Variants in STARD9 observed in about 807,000 individuals in gnomAD.
STARD9 encodes stAR-related lipid transfer protein 9.
Under a neutral mutation model 399.8 loss-of-function variants are expected in STARD9, and 346 were observed. The observed-to-expected ratio is 0.87, with a 90% CI of 0.79 to 0.95. The LOEUF (loss-of-function observed/expected upper bound fraction) is 0.95, where lower values mean the gene tolerates loss of function less well. Ranked by LOEUF, STARD9 falls within the 40% of genes least tolerant of loss-of-function variation. STARD9 has a pLI of 0.00. For missense variants in STARD9, 5,832 were observed against 5,667.5 expected (o/e 1.03, Z -0.93); for synonymous variants, 2,203 against 2,143.5 (o/e 1.03, Z -0.77).
chr15:42,657,619 G>C (rs73408619), intron 9 of STARD9, among the ~76,000 whole-genome samples: 10,161 of 152,180 alleles, frequency 0.067, 744 homozygotes, highest in African/African-American at 0.19. Context: ...TAGAAGATTT[G>C]AGCAACATTA....
intron 26 of STARD9, among the ~76,000 whole-genome samples, chr15:42,710,183 C>T (rs1332055535): frequency 6.6e-6 from 1 of 150,380 alleles, no homozygotes; most frequent in East Asian, 1.9e-4. Flanking sequence ...ACCTCAGCCT[C>T]CTGAGTACCT....
In STARD9 at chr15:42,717,770, A is replaced by G; in HGVS notation, c.13534A>G (p.Ser4512Gly). Reference sequence around the variant, plus strand: ...TTCGGATAATTTGCACAACCTCTTCAGCTGCCAGGCAACTGCTGGCTGGAA... The same window carrying G: ...TTCGGATAATTTGCACAACCTCTTCGGCTGCCAGGCAACTGCTGGCTGGAA... ...ACSDNLHNLF[S>G]CQATAGWNYQ... The change falls in exon 29 of 33, where the codon AGC becomes GGC. Residue 4512 changes from serine (S) to glycine (G), a missense_variant. This residue lies in a region of STARD9 where 5,828 missense variants were observed against 5,651.1 expected (regional missense o/e 1.03). Coordinates refer to ENST00000290607, the MANE Select transcript of STARD9 (RefSeq NM_020759.3). 6.5e-7 allele frequency: 1 copy of G among 1,537,236 alleles called. No individual in the cohort carries two copies. Among genetic ancestry groups the G allele is most frequent in the Non-Finnish European group, 8.7e-7 (1 of 1,146,900 alleles).
At chr15:42,695,680 G>A in intron 25 of STARD9, 63 bp from the exon 26 acceptor site, 1 of 1,500,276 alleles carries the variant, frequency 6.7e-7, no homozygotes, top group East Asian at 2.5e-5. Context: ...GGTAGGAAAA[G>A]GCGTGGCCTG....
At position 42,720,442 on chromosome 15, in the gene STARD9, AGAG is replaced by A. The variant is rs2061430684; in HGVS notation, c.*873_*875del. 1.3e-5 allele frequency: 2 copies of A among 152,316 alleles called. No homozygotes were observed. Among genetic ancestry groups the A allele is most frequent in the Non-Finnish European group, 2.9e-5 (2 of 68,114 alleles). The allele number at this position is 152,316 out of a possible 1,614,324, so 9.4% of individuals were successfully genotyped here. On this transcript the variant is annotated 3_prime_UTR_variant, in exon 33 of 33. Transcript: ENST00000290607. ...AGGGAGAGGAGGTGAATGAACTCCC[AGAG>A]GAGGTGAGTGGCTTGTTGGGAGGAA...
intron 13 of STARD9, 96 bp from the exon 14 acceptor site, chr15:42,665,157 G>T: frequency 1.1e-6 from 1 of 927,960 alleles, no homozygotes; most frequent in Non-Finnish European, 1.7e-6. Context: ...TACTCCAAAG[G>T]AGTAATCTAC....
rs749585576 is a variant in STARD9 at position 42,689,113 on chromosome 15, C to A, written c.7535C>A (p.Thr2512Asn). 1.3e-6 allele frequency: 2 copies of A among 1,537,176 alleles called. No individual in the cohort carries two copies. Among genetic ancestry groups the A allele is most frequent in the Middle Eastern group, 1.7e-4 (1 of 6,014 alleles). The change falls in exon 23 of 33, where the codon ACT (threonine) becomes AAT (asparagine). Residue 2512 changes from threonine to asparagine, a missense_variant. This residue lies in a region of STARD9 where 5,828 missense variants were observed against 5,651.1 expected (regional missense o/e 1.03). Transcript: ENST00000290607. ...SKPRQKAEKETEDVGLTSGVS... is the reference protein window; with the variant it reads ...SKPRQKAEKENEDVGLTSGVS... ...CCAAGGCAGAAGGCAGAGAAGGAGA[C>A]TGAGGACGTCGGACTGACCAGCGGT...
chr15:42,656,193 T>TA (rs1321524542), intron 9 of STARD9, among the ~76,000 whole-genome samples: 3 of 151,748 alleles, frequency 2.0e-5, no homozygotes, highest in Non-Finnish European at 2.9e-5. Flanking sequence ...CTGTATCTAC[T>TA]AAAAATAAAA....
rs1269672450 is a variant in STARD9 at position 42,690,278 on chromosome 15, G to A, written c.8700G>A (p.Leu2900=). The A allele has an allele frequency of 3.3e-6, 5 of 1,537,346 alleles. No individual in the cohort carries two copies. The highest frequency in any genetic ancestry group is 3.3e-4 in the Middle Eastern group (2 of 5,990). ...GCAAACATTCCAGGCCAATTCCACT[G>A]CCAGATCAAAGACCAAGCGCAAATC... ...AGSKHSRPIP[L]PDQRPSANPG... The change falls in exon 23 of 33, where the codon CTG becomes CTA. Residue 2900 remains leucine (L), a synonymous_variant. Coordinates refer to ENST00000290607, the MANE Select transcript of STARD9 (RefSeq NM_020759.3).
chr15:42,588,367 T>G (rs1257705669), intron 3 of STARD9, among the ~76,000 whole-genome samples: 5 of 152,194 alleles, frequency 3.3e-5, no homozygotes, highest in Non-Finnish European at 7.3e-5. Context: ...ATAAATATGA[T>G]TCTTCTTTTG....
At chr15:42,641,379 A>G (rs2059533406) in intron 7 of STARD9, among the ~76,000 whole-genome samples, 2 of 151,780 alleles carry the variant, frequency 1.3e-5, no homozygotes, top group Admixed American at 6.6e-5. Flanking sequence ...TTTTTTTTAA[A>G]TTATACTTTA....
chr15:42,670,195 T>G (rs959897655), intron 16 of STARD9: 5 of 152,260 alleles, frequency 3.3e-5, no homozygotes, highest in Non-Finnish European at 7.3e-5. Context: ...CACTTCCCAC[T>G]TCTCCATCAC....
Position 42,694,618 on chromosome 15 carries a change from A to G in STARD9, c.12855A>G (p.Gln4285=). Residue 4285 remains glutamine (Q), a synonymous_variant, in exon 24 of 33, where the codon CAA becomes CAG. Transcript: ENST00000290607. ...CRTRSLSPQK[Q]LSLLPNKDLF... ...CGCGAAGCCTTAGCCCTCAGAAACA[A>G]CTGAGCCTCCTGCCCAACAAAGATC... 2.0e-6 allele frequency: 3 copies of G among 1,537,126 alleles called. No homozygotes were observed. The highest frequency in any genetic ancestry group is 1.7e-6 in the Non-Finnish European group (2 of 1,146,870).
chr15:42,608,077 G>A (rs755778744), intron 3 of STARD9, among the ~76,000 whole-genome samples: 9 of 152,122 alleles, frequency 5.9e-5, no homozygotes, highest in African/African-American at 1.2e-4. Flanking sequence ...ACAACCTTGA[G>A]AAACACCTTT....
At chr15:42,676,043 A>AC in intron 20 of STARD9, 68 bp downstream of exon 20, 7 of 309,146 alleles carry the variant, frequency 2.3e-5, no homozygotes, top group Non-Finnish European at 3.9e-5. Context: ...GACAGCATGG[A>AC]TCAGGGTGGG....
At chr15:42,673,981 C>T in intron 16 of STARD9, 1 of 456,620 alleles carries the variant, frequency 2.2e-6, no homozygotes, top group Non-Finnish European at 4.4e-6. Flanking sequence ...TCCTGTGTTT[C>T]CATAAATCTT....
chr15:42,651,428 A>G (rs571953983), intron 8 of STARD9, among the ~76,000 whole-genome samples: 8 of 152,292 alleles, frequency 5.3e-5, no homozygotes, highest in Non-Finnish European at 1.2e-4. Flanking sequence ...AGATATAAGG[A>G]TGAATATAGT....
intron 16 of STARD9, chr15:42,672,158 T>G (rs1031067263): frequency 6.6e-6 from 1 of 152,310 alleles, no homozygotes. Flanking sequence ...GTTGTTTGTT[T>G]GTTGGTTTGT....
Position 42,685,956 on chromosome 15 carries a change from T to C in STARD9, c.4378T>C (p.Ser1460Pro), listed in dbSNP as rs2060544698. 2 of 1,537,162 alleles carry C rather than the reference T, an allele frequency of 1.3e-6. No homozygotes were observed. Among genetic ancestry groups the C allele is most frequent in the East Asian group, 4.9e-5 (2 of 40,908 alleles). ...GGGCAGCTCTGAAGCATCCCACAAT[T>C]CTAGCGTATCAAACGTGCTGGCTGC... ...QQGSSEASHN[S>P]SVSNVLAASA... The change falls in exon 23 of 33, where the codon TCT becomes CCT. Residue 1460 changes from serine (S) to proline (P), a missense_variant. This residue lies in a region of STARD9 where 5,828 missense variants were observed against 5,651.1 expected (regional missense o/e 1.03). Coordinates refer to ENST00000290607, the MANE Select transcript of STARD9 (RefSeq NM_020759.3).
At chr15:42,669,449 T>C in intron 16 of STARD9, 112 bp downstream of exon 16, 2 of 987,654 alleles carry the variant, frequency 2.0e-6, no homozygotes. Flanking sequence ...AGACAGATGC[T>C]ACAGAGCTGC....
Sources: gnomAD v4.1 joint callset for allele counts (sites outside exome capture counted in the v4.1 genomes callset) on GRCh38, gnomAD v4.1.1 for gene constraint, gnomAD v4.1.1 regional missense constraint, MANE v1.5 for transcripts, NCBI Gene and HGNC (gene_info 2026-07-23, HGNC 2026-07-21) for gene names.